WNT8B: variants seen among roughly 807,000 people sequenced by gnomAD.
The protein encoded by WNT8B is protein Wnt-8b.
Under a neutral mutation model 36.6 loss-of-function variants are expected in WNT8B, and 24 were observed. The ratio of observed to expected loss-of-function variants is 0.66; its 90% confidence interval spans 0.48 to 0.92. The LOEUF is 0.92. Ranked by LOEUF, WNT8B falls within the 40% of genes least tolerant of loss-of-function variation. The pLI is 0.00. For missense variants in WNT8B, 402 were observed against 470.8 expected (o/e 0.85, Z 1.35); for synonymous variants, 199 against 189.8 (o/e 1.05, Z -0.40).
At position 100,482,136 on chromosome 10, in the gene WNT8B, T is replaced by C. The variant is rs1259655103; in HGVS notation, c.510+82T>C. ...CAGGTGCGGACAACTCTTCAGTTCA[T>C]TTAAAAGATTGGCAAAATGAGGTAC... On this transcript the variant is annotated intron_variant, in intron 5 of 5. Transcript: ENST00000343737. This position sits in a 1 kb window ranked among gnomAD's most constrained non-coding sequence, Gnocchi z 6.6. The C allele has an allele frequency of 1.3e-6, 2 of 1,587,176 alleles. No individual in the cohort carries two copies. Among genetic ancestry groups the C allele is most frequent in the Admixed American group, 3.5e-5 (2 of 57,946 alleles).
In WNT8B at chr10:100,479,040, T is replaced by C. The variant is rs773633879; in HGVS notation, c.69-12T>C. Reference sequence around the variant, plus strand: ...CATTATATTCTGTTTTTGTTTTTTTTTTCCCTTATAGGTCGGTGAACAATT... The same window carrying C: ...CATTATATTCTGTTTTTGTTTTTTTCTTCCCTTATAGGTCGGTGAACAATT... On this transcript the variant is annotated splice_polypyrimidine_tract_variant and intron_variant, in intron 1 of 5. Transcript: ENST00000343737. The C allele has an allele frequency of 1.3e-6, 2 of 1,589,484 alleles. No homozygotes were observed. Among genetic ancestry groups the C allele is most frequent in the Non-Finnish European group, 1.7e-6 (2 of 1,174,584 alleles).
At chr10:100,467,758 T>C (rs148200895) in intron 1 of WNT8B, among the ~76,000 whole-genome samples, 1,757 of 152,330 alleles carry the variant, frequency 0.012, 42 homozygotes, top group African/African-American at 0.04. Context: ...AAAATTTTCA[T>C]ACTATGGGAA....
chr10:100,481,843 A>G, intron 4 of WNT8B, 69 bp from the exon 5 acceptor site: 1 of 1,584,026 alleles, frequency 6.3e-7, no homozygotes, highest in Admixed American at 1.7e-5. Flanking sequence ...CAACCCAATT[A>G]GAAACAGCAG....
chr10:100,481,767 CA>C lies in WNT8B; in HGVS notation c.368-143del. On this transcript the variant is annotated intron_variant, in intron 4 of 5. Transcript: ENST00000343737. ...AAGTGGCAAAAACAAATCTAGACGGCAACTGATCTGGATACAGGGCACTCGC... is the reference window on the plus strand; with the variant it reads ...AAGTGGCAAAAACAAATCTAGACGGCACTGATCTGGATACAGGGCACTCGC... The C allele has an allele frequency of 2.6e-6, 3 of 1,166,384 alleles. No homozygotes were observed. In the South Asian group the frequency reaches 4.8e-5, roughly 19 times the overall value. The allele number at this position is 1,166,384 out of a possible 1,614,324, so 72.3% of individuals were successfully genotyped here.
rs1432368861 is a variant in WNT8B, at chr10:100,482,233, C to T, written c.511-38C>T. The stretch of plus-strand genomic sequence containing the variant: ...CAGGGGCAGTTAAACTCGCCACGCG[C>T]TTAATCCGGGGCCTCTCACTCCTAG... On this transcript the variant is annotated intron_variant, in intron 5 of 5. Transcript: ENST00000343737. This position sits in a 1 kb window ranked among gnomAD's most constrained non-coding sequence, Gnocchi z 6.6. The T allele has an allele frequency of 3.2e-6, 5 of 1,548,042 alleles. No individual in the cohort carries two copies. The Admixed American group carries it at 7.2e-5, about 22-fold the overall frequency.
chr10:100,474,015 G>T (rs1254452376), intron 1 of WNT8B, among the ~76,000 whole-genome samples: 1 of 152,200 alleles, frequency 6.6e-6, no homozygotes, highest in Middle Eastern at 3.2e-3. Context: ...GACTACAGAA[G>T]GGGTAGGCTT....
At chr10:100,470,538 C>T (rs1376103929) in intron 1 of WNT8B, among the ~76,000 whole-genome samples, 3 of 151,216 alleles carry the variant, frequency 2.0e-5, no homozygotes, top group African/African-American at 7.3e-5. Flanking sequence ...GCTGATGACT[C>T]AGAGACATTT....
rs746605662 is a variant in WNT8B at position 100,480,978 on chromosome 10, G to A, written c.242-20G>A. ...AGCTGAAACCCCTCCCTCTAACTCT[G>A]GATTTTTGGTTCCTGCTAGCCAATC... On this transcript the variant is annotated intron_variant, in intron 3 of 5. Transcript: ENST00000343737. The A allele has an allele frequency of 1.2e-6, 2 of 1,612,532 alleles. No homozygotes were observed. Among genetic ancestry groups the A allele is most frequent in the East Asian group, 2.2e-5 (1 of 44,782 alleles).
At chr10:100,475,431 GTGT>G (rs1466624324) in intron 1 of WNT8B, among the ~76,000 whole-genome samples, 1 of 152,190 alleles carries the variant, frequency 6.6e-6, no homozygotes, top group Non-Finnish European at 1.5e-5. Flanking sequence ...AAGGCCTATA[GTGT>G]TGTTCCATGA....
Position 100,482,119 on chromosome 10 carries a change from G to C in WNT8B, c.510+65G>C. ...ATATCCACTACCAGCTCCAGGTGCG[G>C]ACAACTCTTCAGTTCATTTAAAAGA... On this transcript the variant is annotated intron_variant, in intron 5 of 5. Transcript: ENST00000343737. The surrounding 1 kb of genome is among the most constrained non-coding windows in gnomAD (Gnocchi z 6.6). 3.7e-6 allele frequency: 6 copies of C among 1,605,552 alleles called. No individual in the cohort carries two copies. In the South Asian group the frequency reaches 5.5e-5, roughly 15 times the overall value.
intron 1 of WNT8B, among the ~76,000 whole-genome samples, chr10:100,471,358 G>A (rs1247667539): frequency 1.3e-5 from 2 of 152,238 alleles, no homozygotes; most frequent in East Asian, 1.9e-4. Context: ...AGAACCCAGT[G>A]TGAGCAGCAA....
intron 1 of WNT8B, among the ~76,000 whole-genome samples, chr10:100,466,762 T>C (rs1850911174): frequency 6.6e-6 from 1 of 152,118 alleles, no homozygotes; most frequent in South Asian, 2.1e-4. Flanking sequence ...TATTCCTTTT[T>C]TTTTTCTTTT....
chr10:100,479,132 C>G, intron 2 of WNT8B, 47 bp downstream of exon 2: 4 of 1,531,014 alleles, frequency 2.6e-6, no homozygotes, highest in Non-Finnish European at 3.5e-6. Flanking sequence ...TAATCTTAGC[C>G]TGTTGACTAA....
intron 4 of WNT8B, 56 bp from the exon 5 acceptor site, chr10:100,481,856 C>T (rs1328466881): frequency 6.2e-7 from 1 of 1,606,842 alleles, no homozygotes; most frequent in African/African-American, 1.3e-5. Context: ...AACAGCAGCC[C>T]AGGAGGCTCT....
Position 100,463,028 on chromosome 10 carries a change from C to T in WNT8B, c.-141C>T. 4.4e-6 allele frequency: 3 copies of T among 688,172 alleles called. No homozygotes were observed. The South Asian group carries it at 6.1e-5, about 14-fold the overall frequency. The allele number at this position is 688,172 out of a possible 1,614,324, so 42.6% of individuals were successfully genotyped here. ...GCAGCTCCATTTCACCTCCCCTTAA[C>T]TCTGTTTGGGATCGCTTACACACCA... On this transcript the variant is annotated 5_prime_UTR_variant, in exon 1 of 6. Coordinates refer to ENST00000343737, the MANE Select transcript of WNT8B (RefSeq NM_003393.4).
intron 1 of WNT8B, among the ~76,000 whole-genome samples, chr10:100,477,706 A>G (rs1159311541): frequency 6.6e-6 from 1 of 152,120 alleles, no homozygotes; most frequent in Non-Finnish European, 1.5e-5. Flanking sequence ...AGTGAAAGTA[A>G]GTCTTTATTT....
At chr10:100,481,205 C>A in intron 4 of WNT8B, 82 bp downstream of exon 4, 1 of 1,526,348 alleles carries the variant, frequency 6.6e-7, no homozygotes, top group South Asian at 1.2e-5. Flanking sequence ...TGAAGAAGAG[C>A]TGTATTCTTC....
intron 1 of WNT8B, among the ~76,000 whole-genome samples, chr10:100,471,817 A>T (rs1850980440): frequency 1.3e-5 from 2 of 152,222 alleles, no homozygotes; most frequent in Non-Finnish European, 2.9e-5. Context: ...TGTGATCATT[A>T]TATGAACTTA....
intron 1 of WNT8B, among the ~76,000 whole-genome samples, chr10:100,475,015 C>T (rs764525028): frequency 2.7e-4 from 41 of 151,674 alleles, no homozygotes; most frequent in Non-Finnish European, 4.7e-4. Flanking sequence ...TCAAGGTGGG[C>T]GGATCACCTG....
Sources: gnomAD v4.1 joint callset for allele counts (sites outside exome capture counted in the v4.1 genomes callset) on GRCh38, gnomAD v4.1.1 for gene constraint, Gnocchi (gnomAD v3.1) non-coding constraint, MANE v1.5 for transcripts, NCBI Gene and HGNC (gene_info 2026-07-23, HGNC 2026-07-21) for gene names.